The following THSD7B variants were observed in gnomAD, a reference collection of about 807,000 sequenced individuals.
THSD7B encodes the protein thrombospondin type 1 domain containing 7B.
THSD7B carries 138 observed loss-of-function variants against 213.6 expected under a neutral mutation model. The ratio of observed to expected loss-of-function variants is 0.65; its 90% CI spans 0.56 to 0.74. The LOEUF (loss-of-function observed/expected upper bound fraction) is 0.74. Among genes scored for constraint, THSD7B ranks in the 30% least tolerant of loss-of-function variants. The pLI, the probability that THSD7B is intolerant of heterozygous loss-of-function variation, is 0.00. For synonymous variants in THSD7B, 742 were observed against 687.0 expected (o/e 1.08, Z -1.25); for missense variants, 1,931 against 1,991.5 (o/e 0.97, Z 0.58).
chr2:137,527,227 A>G (rs540547734), intron 15 of THSD7B, among the ~76,000 whole-genome samples: 1 of 152,316 alleles, frequency 6.6e-6, no homozygotes, highest in East Asian at 1.9e-4. Flanking sequence ...GCAAAACAGA[A>G]TAATCTTATT....
chr2:137,046,550 C>T (rs1206066078), intron 2 of THSD7B, among the ~76,000 whole-genome samples: 14 of 151,610 alleles, frequency 9.2e-5, no homozygotes, highest in African/African-American at 7.3e-5. Flanking sequence ...GCCAACATGG[C>T]GAAACACCGT....
chr2:137,233,172 T>G lies in THSD7B; in HGVS notation c.2150+39T>G, dbSNP rs745666620. On this transcript the variant is annotated intron_variant, in intron 9 of 27. Transcript: ENST00000409968. ...TGTTACTGAAAATGCATTTGCTTAT[T>G]TCATGTTGAGTATTTTTAGTTGAAA... 2.6e-6 allele frequency: 4 copies of G among 1,550,880 alleles called. No individual in the cohort carries two copies. The Admixed American group carries it at 7.5e-5, about 29-fold the overall frequency.
intron 6 of THSD7B, among the ~76,000 whole-genome samples, chr2:137,167,265 G>A (rs564179117): frequency 7.9e-5 from 12 of 151,846 alleles, no homozygotes; most frequent in South Asian, 2.1e-4. Context: ...GTGCAGTGGC[G>A]TGATCTCGTC....
chr2:136,784,564 T>TGAAG (rs201366864), intron 1 of THSD7B, among the ~76,000 whole-genome samples: 12 of 70,698 alleles, frequency 1.7e-4, no homozygotes, highest in Admixed American at 1.4e-3. Context: ...TATTCCTTCA[T>TGAAG]GAAGGATTAT....
At chr2:137,318,349 A>G (rs1321367361) in intron 12 of THSD7B, among the ~76,000 whole-genome samples, 1 of 152,156 alleles carries the variant, frequency 6.6e-6, no homozygotes, top group East Asian at 1.9e-4. Flanking sequence ...ATGTTGCAGA[A>G]AAAGCCCAGG....
chr2:137,414,154 A>G (rs1686736334), intron 14 of THSD7B, among the ~76,000 whole-genome samples: 1 of 152,186 alleles, frequency 6.6e-6, no homozygotes, highest in African/African-American at 2.4e-5. Context: ...CCATAGCAAA[A>G]GCTATTAGGG....
At chr2:137,448,800 A>AAACAACAAC (rs147631065) in intron 14 of THSD7B, among the ~76,000 whole-genome samples, 3,023 of 144,956 alleles carry the variant, frequency 0.021, 114 homozygotes, top group African/African-American at 0.075. Context: ...CTCCATCTCA[A>AAACAACAAC]AACAACAACA....
At chr2:136,884,751 A>G (rs923365527) in intron 2 of THSD7B, among the ~76,000 whole-genome samples, 2 of 152,176 alleles carry the variant, frequency 1.3e-5, no homozygotes, top group African/African-American at 4.8e-5. Context: ...CTCATCTTTT[A>G]ATGACTGCAT....
chr2:137,490,129 C>T (rs1688572340), intron 15 of THSD7B, among the ~76,000 whole-genome samples: 1 of 152,166 alleles, frequency 6.6e-6, no homozygotes, highest in Non-Finnish European at 1.5e-5. Context: ...ATAGCTAAGA[C>T]ATGGGCATTT....
At chr2:136,968,934 T>G (rs966413641) in intron 2 of THSD7B, among the ~76,000 whole-genome samples, 4 of 152,094 alleles carry the variant, frequency 2.6e-5, no homozygotes, top group African/African-American at 9.7e-5. Context: ...ACAGTAAAAA[T>G]TATATAACTA....
chr2:137,546,415 T>TATCTATATAATATATATAA (rs1558834318), intron 15 of THSD7B, among the ~76,000 whole-genome samples: 1 of 25,528 alleles, frequency 3.9e-5, no homozygotes, highest in African/African-American at 2.5e-4. Context: ...TATATATATA[T>TATCTATATAATATATATAA]TATATATATT....
At chr2:137,591,987 T>G (rs1348538483) in intron 17 of THSD7B, among the ~76,000 whole-genome samples, 1 of 151,734 alleles carries the variant, frequency 6.6e-6, no homozygotes. Flanking sequence ...TAGATTAATA[T>G]TTTTGGCTTT....
At chr2:137,626,443 A>G (rs1682631477) in intron 20 of THSD7B, among the ~76,000 whole-genome samples, 1 of 146,012 alleles carries the variant, frequency 6.8e-6, no homozygotes, top group Admixed American at 6.8e-5. Flanking sequence ...GCGCCTGGGC[A>G]AAAGAGCGAG....
chr2:136,912,674 G>A (rs1021256336), intron 2 of THSD7B, among the ~76,000 whole-genome samples: 5 of 152,134 alleles, frequency 3.3e-5, no homozygotes, highest in Non-Finnish European at 2.9e-5. Context: ...CTATTCTTGT[G>A]ATAATGAATA....
At chr2:136,948,243 GCC>G (rs1252201281) in intron 2 of THSD7B, among the ~76,000 whole-genome samples, 1 of 152,000 alleles carries the variant, frequency 6.6e-6, no homozygotes, top group Non-Finnish European at 1.5e-5. Context: ...CACATGCCAT[GCC>G]CCTGCTCACA....
At chr2:137,183,297 A>G (rs145642543) in intron 7 of THSD7B, among the ~76,000 whole-genome samples, 8 of 152,250 alleles carry the variant, frequency 5.3e-5, no homozygotes, top group African/African-American at 1.7e-4. Context: ...CCATAGTTCA[A>G]TGATCACAAA....
intron 5 of THSD7B, among the ~76,000 whole-genome samples, chr2:137,150,409 A>G (rs558230553): frequency 6.6e-6 from 1 of 152,146 alleles, no homozygotes; most frequent in South Asian, 2.1e-4. Flanking sequence ...GTGGGAGGTA[A>G]TTGAGATCAT....
At chr2:137,491,461 CAT>C (rs982030889) in intron 15 of THSD7B, among the ~76,000 whole-genome samples, 3 of 152,172 alleles carry the variant, frequency 2.0e-5, no homozygotes, top group Non-Finnish European at 2.9e-5. Flanking sequence ...AACTAGAAAA[CAT>C]ATATTAAATC....
At chr2:137,479,152 C>T (rs1400334071) in intron 15 of THSD7B, among the ~76,000 whole-genome samples, 1 of 152,182 alleles carries the variant, frequency 6.6e-6, no homozygotes, top group African/African-American at 2.4e-5. Flanking sequence ...CAGAACAACC[C>T]TATCTCCCAA....
Sources: allele counts gnomAD v4.1 joint callset (sites outside exome capture counted in the v4.1 genomes callset), GRCh38; gene constraint gnomAD v4.1.1; transcripts MANE v1.5; gene names NCBI Gene and HGNC (gene_info 2026-07-23, HGNC 2026-07-21).